RIMS1: variants seen among roughly 807,000 people sequenced by gnomAD.
RIMS1 encodes the protein regulating synaptic membrane exocytosis protein 1.
In RIMS1, 83 loss-of-function variants were observed where a neutral mutation model predicts 214.1. That is an observed-to-expected ratio of 0.39 (90% CI 0.32 to 0.47). The LOEUF (loss-of-function observed/expected upper bound fraction) is 0.47. Among genes scored for constraint, RIMS1 ranks in the 20% least tolerant of loss-of-function variants. RIMS1 has a pLI of 0.99. For synonymous variants in RIMS1, 793 were observed against 786.8 expected (o/e 1.01, Z -0.13); for missense variants, 2,050 against 2,161.8 (o/e 0.95, Z 1.03).
chr6:72,183,261 C>A, intron 6 of RIMS1, 112 bp downstream of exon 6: 2 of 1,012,486 alleles, frequency 2.0e-6, no homozygotes, highest in Non-Finnish European at 2.9e-6. Flanking sequence ...GGAATGCTCA[C>A]AGATAAGATA....
chr6:72,273,524 A>T (rs1473607710), intron 22 of RIMS1, among the ~76,000 whole-genome samples: 2 of 152,166 alleles, frequency 1.3e-5, no homozygotes, highest in Non-Finnish European at 2.9e-5. Context: ...ATCTAAAGGT[A>T]GCTTAACAAA....
chr6:72,306,577 G>A (rs2095190338), intron 26 of RIMS1, among the ~76,000 whole-genome samples: 1 of 152,102 alleles, frequency 6.6e-6, no homozygotes. Flanking sequence ...AAGCTTAAAA[G>A]TATTCTTTAC....
intron 26 of RIMS1, among the ~76,000 whole-genome samples, chr6:72,296,791 A>G (rs2094134095): frequency 1.3e-5 from 2 of 151,998 alleles, no homozygotes; most frequent in Admixed American, 1.3e-4. Context: ...AATTAACTCA[A>G]AGCTAGTTCT....
intron 2 of RIMS1, among the ~76,000 whole-genome samples, chr6:72,094,323 G>A (rs1183193143): frequency 6.6e-6 from 1 of 152,036 alleles, no homozygotes; most frequent in Non-Finnish European, 1.5e-5. Flanking sequence ...TGGTCTATGA[G>A]TGACCCAAAT....
intron 6 of RIMS1, chr6:72,217,047 T>C: frequency 6.9e-7 from 1 of 1,454,642 alleles, no homozygotes; most frequent in Non-Finnish European, 9.0e-7. Flanking sequence ...TGATTTAGAA[T>C]GCAAGGACCA....
At chr6:72,213,219 G>T in intron 6 of RIMS1, 4 of 1,535,940 alleles carry the variant, frequency 2.6e-6, no homozygotes, top group Admixed American at 2.0e-5. Context: ...ACGAGCAGTT[G>T]CTGGTAAGCA....
At chr6:71,958,658 G>A (rs1792015798) in intron 1 of RIMS1, among the ~76,000 whole-genome samples, 1 of 152,024 alleles carries the variant, frequency 6.6e-6, no homozygotes, top group African/African-American at 2.4e-5. Flanking sequence ...TGAATTTTTG[G>A]TAGATACAGA....
At chr6:72,184,485 G>A (rs1242714089) in intron 6 of RIMS1, among the ~76,000 whole-genome samples, 1 of 152,190 alleles carries the variant, frequency 6.6e-6, no homozygotes, top group South Asian at 2.1e-4. Context: ...CTGCAGGATT[G>A]CTATAAAAAT....
rs117036736 is a variant in RIMS1 at position 72,167,775 on chromosome 6, G to A, written c.472-11800G>A. ...ATTTTTAATAATTCTAGGCTCTGTA[G>A]TGCTGTCCTTTCTTTGAGTAATTAT... On this transcript the variant is annotated intron_variant, in intron 4 of 33. Transcript: ENST00000521978. 7.8e-3 allele frequency among the ~76,000 whole-genome samples: 1,180 copies of A among 152,086 alleles called. 11 individuals carry two copies. The highest frequency in any genetic ancestry group is 0.01 in the Admixed American group (158 of 15,272).
chr6:72,107,285 G>A (rs951533577), intron 4 of RIMS1, among the ~76,000 whole-genome samples: 4 of 152,238 alleles, frequency 2.6e-5, no homozygotes, highest in South Asian at 2.1e-4. Flanking sequence ...ACCCCACCAG[G>A]AGCGGTAGCT....
At chr6:72,268,003 A>G (rs1001793164) in intron 22 of RIMS1, among the ~76,000 whole-genome samples, 5 of 152,172 alleles carry the variant, frequency 3.3e-5, no homozygotes, top group African/African-American at 1.2e-4. Context: ...GTTTATTGGG[A>G]TCACTTTATT....
chr6:72,155,678 A>G (rs1406830658), intron 4 of RIMS1, among the ~76,000 whole-genome samples: 1 of 140,500 alleles, frequency 7.1e-6, no homozygotes, highest in Non-Finnish European at 1.6e-5. Flanking sequence ...GCAAATTCCC[A>G]TTTTTTAAAA....
At chr6:72,219,414 A>G (rs2057569099) in intron 6 of RIMS1, among the ~76,000 whole-genome samples, 1 of 152,156 alleles carries the variant, frequency 6.6e-6, no homozygotes, top group Non-Finnish European at 1.5e-5. Flanking sequence ...GAGTGGGTCA[A>G]TTACTTGCAG....
intron 2 of RIMS1, among the ~76,000 whole-genome samples, chr6:71,976,994 T>C (rs556279363): frequency 6.6e-6 from 1 of 152,166 alleles, no homozygotes; most frequent in East Asian, 1.9e-4. Flanking sequence ...CTTTAAGCTC[T>C]GCATACTAGA....
chr6:72,276,776 T>A (rs1171843880), intron 23 of RIMS1, among the ~76,000 whole-genome samples: 2 of 152,184 alleles, frequency 1.3e-5, no homozygotes, highest in Non-Finnish European at 2.9e-5. Context: ...CCACTAATGC[T>A]ACATTCATAG....
chr6:72,294,396 C>T (rs1592312697), intron 26 of RIMS1, among the ~76,000 whole-genome samples: 1 of 151,676 alleles, frequency 6.6e-6, no homozygotes, highest in East Asian at 1.9e-4. Context: ...TGGTTAAGCC[C>T]CTACTGCACT....
chr6:72,116,649 T>A (rs937366578), intron 4 of RIMS1, among the ~76,000 whole-genome samples: 1 of 151,988 alleles, frequency 6.6e-6, no homozygotes, highest in African/African-American at 2.4e-5. Flanking sequence ...ACAGTCTCAG[T>A]TACAACTACT....
At chr6:71,890,218 T>G (rs772116385) in intron 1 of RIMS1, among the ~76,000 whole-genome samples, 8 of 152,090 alleles carry the variant, frequency 5.3e-5, no homozygotes, top group Non-Finnish European at 7.4e-5. Context: ...TTTAGAAGAT[T>G]TTATTTGAAA....
At chr6:72,328,444 A>G (rs1277977167) in intron 28 of RIMS1, among the ~76,000 whole-genome samples, 1 of 151,846 alleles carries the variant, frequency 6.6e-6, no homozygotes, top group African/African-American at 2.4e-5. Flanking sequence ...CCTAAAGTGT[A>G]ATAAAAAAAG....
Sources: allele counts gnomAD v4.1 joint callset (sites outside exome capture counted in the v4.1 genomes callset), GRCh38; gene constraint gnomAD v4.1.1; transcripts MANE v1.5; gene names NCBI Gene and HGNC (gene_info 2026-07-23, HGNC 2026-07-21).